Variants in ITGA9 observed in about 807,000 individuals in gnomAD.
ITGA9 encodes integrin subunit alpha 9, also known as integrin alpha-9.
A neutral mutation model predicts 127.8 loss-of-function variants in ITGA9; 56 were observed. That is an observed-to-expected ratio of 0.44 (90% CI 0.35 to 0.55). The LOEUF (loss-of-function observed/expected upper bound fraction) is 0.55, where lower values mean the gene tolerates loss of function less well. Among genes scored for constraint, ITGA9 ranks in the 20% least tolerant of loss-of-function variants. The pLI is 0.00. For synonymous variants in ITGA9, 508 were observed against 514.5 expected, an observed-to-expected ratio of 0.99 and a Z score of 0.17; for missense variants, 1,196 against 1,347.1, an observed-to-expected ratio of 0.89 and a Z score of 1.76.
At chr3:37,504,784 G>A (rs1261096319) in intron 6 of ITGA9, among the ~76,000 whole-genome samples, 2 of 152,092 alleles carry the variant, frequency 1.3e-5, no homozygotes, top group Admixed American at 6.5e-5. Context: ...ACTATCAGTC[G>A]CCAGTCTGAG....
At chr3:37,815,864 G>A (rs530882724) in intron 27 of ITGA9, among the ~76,000 whole-genome samples, 56 of 152,272 alleles carry the variant, frequency 3.7e-4, no homozygotes, top group African/African-American at 9.6e-4. Context: ...TGAGCTCAGC[G>A]AGACTTACAT....
At chr3:37,765,845 C>T (rs1400105720) in intron 23 of ITGA9, among the ~76,000 whole-genome samples, 2 of 152,228 alleles carry the variant, frequency 1.3e-5, no homozygotes, top group African/African-American at 4.8e-5. Flanking sequence ...CTGAAGGCGC[C>T]CGGCCTTATC....
intron 1 of ITGA9, among the ~76,000 whole-genome samples, chr3:37,467,690 A>G (rs774877097): frequency 6.6e-6 from 1 of 152,200 alleles, no homozygotes; most frequent in Non-Finnish European, 1.5e-5. Flanking sequence ...ACAAGTGGCA[A>G]TTAGTCACTG....
At chr3:37,527,168 A>G (rs1252807469) in intron 13 of ITGA9, among the ~76,000 whole-genome samples, 2 of 152,194 alleles carry the variant, frequency 1.3e-5, no homozygotes, top group Non-Finnish European at 2.9e-5. Flanking sequence ...GGATGGGGTT[A>G]TTTCCAGATA....
intron 19 of ITGA9, among the ~76,000 whole-genome samples, chr3:37,735,542 A>G (rs1425420317): frequency 6.6e-6 from 1 of 152,232 alleles, no homozygotes; most frequent in Non-Finnish European, 1.5e-5. Context: ...TGTATAAGTT[A>G]TAGGCTCTCA....
intron 13 of ITGA9, among the ~76,000 whole-genome samples, chr3:37,528,127 A>G (rs1039944153): frequency 1.3e-5 from 2 of 152,366 alleles, no homozygotes; most frequent in East Asian, 1.9e-4. Flanking sequence ...CTGAAGGTCC[A>G]TCATATAGAC....
chr3:37,589,601 G>C (rs966080156), intron 15 of ITGA9, among the ~76,000 whole-genome samples: 1 of 152,194 alleles, frequency 6.6e-6, no homozygotes, highest in African/African-American at 2.4e-5. Context: ...CCTCATGAAA[G>C]AGGTTTTTAA....
At chr3:37,509,867 A>G (rs999185105) in intron 8 of ITGA9, among the ~76,000 whole-genome samples, 4 of 152,202 alleles carry the variant, frequency 2.6e-5, no homozygotes, top group African/African-American at 9.7e-5. Flanking sequence ...TTTACAAAAG[A>G]GAGTTTCAAA....
At chr3:37,730,904 G>C (rs1696283042) in intron 18 of ITGA9, among the ~76,000 whole-genome samples, 1 of 152,186 alleles carries the variant, frequency 6.6e-6, no homozygotes, top group Non-Finnish European at 1.5e-5. Flanking sequence ...CCACGGGGCA[G>C]GGGTGGAAGA....
intron 25 of ITGA9, 93 bp downstream of exon 25, chr3:37,780,114 A>T: frequency 6.7e-7 from 1 of 1,483,228 alleles, no homozygotes; most frequent in Non-Finnish European, 9.4e-7. Flanking sequence ...AAAGGAAAGC[A>T]TTTGAATTGG....
At chr3:37,572,101 C>A (rs1401319313) in intron 15 of ITGA9, among the ~76,000 whole-genome samples, 1 of 151,962 alleles carries the variant, frequency 6.6e-6, no homozygotes, top group Non-Finnish European at 1.5e-5. Flanking sequence ...CAGCTGCCAC[C>A]TCCTGGATCC....
At chr3:37,593,527 G>A (rs80200456) in intron 15 of ITGA9, among the ~76,000 whole-genome samples, 8,522 of 152,256 alleles carry the variant, frequency 0.056, 329 homozygotes, top group Middle Eastern at 0.1. Flanking sequence ...GCTTAGAGAC[G>A]GCCACCTTCG....
intron 27 of ITGA9, chr3:37,808,423 G>A (rs968045116): frequency 1.4e-4 from 21 of 152,212 alleles, no homozygotes; most frequent in African/African-American, 5.1e-4. Flanking sequence ...TGGTTTAGGG[G>A]ATACTGGGGA....
chr3:37,780,749 G>A (rs911190561), intron 25 of ITGA9, among the ~76,000 whole-genome samples: 3 of 152,164 alleles, frequency 2.0e-5, no homozygotes, highest in Non-Finnish European at 4.4e-5. Flanking sequence ...GAGAAATCTC[G>A]ATACTGCTTT....
At chr3:37,636,640 G>A (rs1450629435) in intron 16 of ITGA9, among the ~76,000 whole-genome samples, 2 of 152,182 alleles carry the variant, frequency 1.3e-5, no homozygotes, top group Non-Finnish European at 2.9e-5. Flanking sequence ...AGTTTAATTA[G>A]ATCCCATTTA....
intron 15 of ITGA9, among the ~76,000 whole-genome samples, chr3:37,560,973 C>T (rs145392533): frequency 1.3e-5 from 2 of 152,260 alleles, no homozygotes; most frequent in Non-Finnish European, 2.9e-5. Flanking sequence ...CCTCTGTACT[C>T]ATATCTCTGG....
chr3:37,748,104 C>T (rs945969709), intron 22 of ITGA9: 20 of 465,726 alleles, frequency 4.3e-5, no homozygotes, highest in Non-Finnish European at 7.6e-5. Context: ...TCCAGTAATT[C>T]GCCAAAATGT....
At chr3:37,580,967 C>T (rs1334665217) in intron 15 of ITGA9, among the ~76,000 whole-genome samples, 1 of 152,122 alleles carries the variant, frequency 6.6e-6, no homozygotes, top group Non-Finnish European at 1.5e-5. Context: ...GAGGTTAATT[C>T]CTGCTTCAAA....
chr3:37,694,418 C>T (rs930766671), intron 18 of ITGA9, among the ~76,000 whole-genome samples: 3 of 152,222 alleles, frequency 2.0e-5, no homozygotes, highest in Non-Finnish European at 4.4e-5. Context: ...ACAGGCTGGG[C>T]GCTTCCTGCG....
Sources: gnomAD v4.1 joint callset for allele counts (sites outside exome capture counted in the v4.1 genomes callset) on GRCh38, gnomAD v4.1.1 for gene constraint, MANE v1.5 for transcripts, NCBI Gene and HGNC (gene_info 2026-07-23, HGNC 2026-07-21) for gene names.